Variants in LRRC4C observed in about 807,000 individuals in gnomAD.
The protein encoded by LRRC4C is leucine rich repeat containing 4C.
Under a neutral mutation model 33.6 loss-of-function variants are expected in LRRC4C, and 5 were observed. That is an observed-to-expected ratio of 0.15 (90% CI 0.08 to 0.31). The LOEUF is 0.31. Ranked by LOEUF, LRRC4C falls within the 10% of genes least tolerant of loss-of-function variation. LRRC4C has a pLI of 1.00. For synonymous variants in LRRC4C, 329 were observed against 302.0 expected, an observed-to-expected ratio of 1.09 and a Z score of -0.93; for missense variants, 560 against 796.7, an observed-to-expected ratio of 0.70 and a Z score of 3.58.
chr11:40,457,459 T>C (rs1952191688), intron 3 of LRRC4C, among the ~76,000 whole-genome samples: 1 of 152,126 alleles, frequency 6.6e-6, no homozygotes, highest in East Asian at 1.9e-4. Flanking sequence ...AGGGCACTTG[T>C]ATCATTTATC....
At chr11:40,267,537 G>C (rs1942369648) in intron 4 of LRRC4C, among the ~76,000 whole-genome samples, 1 of 152,076 alleles carries the variant, frequency 6.6e-6, no homozygotes, top group African/African-American at 2.4e-5. Flanking sequence ...ATTTTCAGTA[G>C]AGATGGGGTT....
intron 1 of LRRC4C, among the ~76,000 whole-genome samples, chr11:41,444,450 G>A (rs1955753886): frequency 6.6e-6 from 1 of 152,192 alleles, no homozygotes; most frequent in Non-Finnish European, 1.5e-5. Context: ...AGGAACGTGA[G>A]CATCCATGGA....
At chr11:40,885,331 G>A (rs1955402846) in intron 2 of LRRC4C, among the ~76,000 whole-genome samples, 2 of 151,960 alleles carry the variant, frequency 1.3e-5, no homozygotes, top group African/African-American at 4.8e-5. Flanking sequence ...ATCTGAGCTC[G>A]ATAAGGAGCA....
At chr11:40,412,342 T>G (rs1453870201) in intron 3 of LRRC4C, among the ~76,000 whole-genome samples, 1 of 152,114 alleles carries the variant, frequency 6.6e-6, no homozygotes, top group African/African-American at 2.4e-5. Context: ...CTGGTGTTAT[T>G]GACCACACAG....
intron 1 of LRRC4C, among the ~76,000 whole-genome samples, chr11:41,118,014 A>G (rs1942227895): frequency 6.6e-6 from 1 of 152,192 alleles, no homozygotes. Context: ...AAGAAAGTTT[A>G]GGTAATAATT....
chr11:40,846,020 GTTTT>G (rs140994322), intron 2 of LRRC4C, among the ~76,000 whole-genome samples: 4 of 142,150 alleles, frequency 2.8e-5, no homozygotes, highest in African/African-American at 7.8e-5. Flanking sequence ...ACTTTCTGAT[GTTTT>G]TTTTTTTTTT....
intron 1 of LRRC4C, among the ~76,000 whole-genome samples, chr11:41,204,183 A>G (rs1723509549): frequency 6.6e-6 from 1 of 152,236 alleles, no homozygotes; most frequent in African/African-American, 2.4e-5. Flanking sequence ...TTCTAAAAAT[A>G]GAAGAGCCAT....
intron 1 of LRRC4C, among the ~76,000 whole-genome samples, chr11:40,989,186 T>C (rs1433224172): frequency 6.6e-6 from 1 of 152,214 alleles, no homozygotes; most frequent in Non-Finnish European, 1.5e-5. Flanking sequence ...CACAATAAGC[T>C]CATTTATTTT....
chr11:40,809,142 T>A (rs987292899), intron 2 of LRRC4C, among the ~76,000 whole-genome samples: 3 of 152,110 alleles, frequency 2.0e-5, no homozygotes, highest in Non-Finnish European at 4.4e-5. Flanking sequence ...ATTCTCTGCT[T>A]CCCTTTACAG....
chr11:40,129,782 C>T (rs1856519097), intron 6 of LRRC4C, among the ~76,000 whole-genome samples: 1 of 152,106 alleles, frequency 6.6e-6, no homozygotes, highest in Admixed American at 6.6e-5. Context: ...CAATCTAAAG[C>T]AACAAGATAG....
chr11:41,327,499 G>A (rs187341894), intron 1 of LRRC4C, among the ~76,000 whole-genome samples: 1 of 152,244 alleles, frequency 6.6e-6, no homozygotes, highest in East Asian at 1.9e-4. Context: ...CTTCCCCAAT[G>A]TAGGAAACAT....
chr11:40,834,518 A>G (rs1176108567), intron 2 of LRRC4C, among the ~76,000 whole-genome samples: 1 of 152,006 alleles, frequency 6.6e-6, no homozygotes, highest in Non-Finnish European at 1.5e-5. Flanking sequence ...GAAATCCAAT[A>G]TATACTACTT....
chr11:40,677,089 T>C (rs1181469958), intron 2 of LRRC4C, among the ~76,000 whole-genome samples: 2 of 152,152 alleles, frequency 1.3e-5, no homozygotes, highest in Non-Finnish European at 2.9e-5. Context: ...CTTCTTTCTT[T>C]ACTTTTCATA....
intron 2 of LRRC4C, among the ~76,000 whole-genome samples, chr11:40,861,560 T>A (rs1954102279): frequency 6.6e-6 from 1 of 152,114 alleles, no homozygotes; most frequent in South Asian, 2.1e-4. Context: ...ATCAGGAGTG[T>A]GGCCAAGGAC....
chr11:40,917,232 C>CA (rs1721036241), intron 2 of LRRC4C, among the ~76,000 whole-genome samples: 1 of 152,008 alleles, frequency 6.6e-6, no homozygotes, highest in African/African-American at 2.4e-5. Flanking sequence ...TCCTTCTCTC[C>CA]ATAATGTGGC....
At chr11:40,162,983 C>T (rs1423052480) in intron 5 of LRRC4C, among the ~76,000 whole-genome samples, 3 of 152,166 alleles carry the variant, frequency 2.0e-5, no homozygotes, top group Non-Finnish European at 1.5e-5. Flanking sequence ...CTCTAACCAC[C>T]TCTACTACAT....
At chr11:40,162,194 G>A (rs533904981) in intron 5 of LRRC4C, among the ~76,000 whole-genome samples, 124 of 151,882 alleles carry the variant, frequency 8.2e-4, no homozygotes, top group Middle Eastern at 3.4e-3. Context: ...GTTATAACAA[G>A]CCAGACATCA....
Position 40,586,426 on chromosome 11 carries a change from C to G in LRRC4C, c.-270+61716G>C, listed in dbSNP as rs1225053417. ...AAATTTTCTCCCATTTTGTAGGTTGCCTGTTCACTCTGATGGTAGTTTCTT... is the reference window on the plus strand; with the variant it reads ...AAATTTTCTCCCATTTTGTAGGTTGGCTGTTCACTCTGATGGTAGTTTCTT... On this transcript the variant is annotated intron_variant, in intron 3 of 6. Transcript: ENST00000528697. Among the ~76,000 whole-genome samples, 4 of 147,526 alleles carry G rather than the reference C, an allele frequency of 2.7e-5. 1 individual carries two copies. Among genetic ancestry groups the G allele is most frequent in the African/African-American group, 5.1e-5 (2 of 39,244 alleles).
intron 1 of LRRC4C, among the ~76,000 whole-genome samples, chr11:41,398,037 G>A (rs1047605176): frequency 2.6e-5 from 4 of 151,856 alleles, no homozygotes; most frequent in Non-Finnish European, 4.4e-5. Context: ...ACCATATTAC[G>A]TTTAATGGGG....
Sources: allele counts gnomAD v4.1 joint callset (sites outside exome capture counted in the v4.1 genomes callset), GRCh38; gene constraint gnomAD v4.1.1; transcripts MANE v1.5; gene names NCBI Gene and HGNC (gene_info 2026-07-23, HGNC 2026-07-21).